CDH18: variants seen among roughly 807,000 people sequenced by gnomAD.
The protein encoded by CDH18 is cadherin-18.
Under a neutral mutation model 67.9 loss-of-function variants are expected in CDH18, and 31 were observed. The ratio of observed to expected loss-of-function variants is 0.46; its 90% confidence interval spans 0.34 to 0.62. The LOEUF (loss-of-function observed/expected upper bound fraction) is 0.62. Among genes scored for constraint, CDH18 ranks in the 20% least tolerant of loss-of-function variants. The pLI is 0.01. For missense variants in CDH18, 890 were observed against 975.5 expected (o/e 0.91, Z 1.17); for synonymous variants, 362 against 347.2 (o/e 1.04, Z -0.48).
chr5:20,460,965 C>T (rs2150223487), intron 1 of CDH18, among the ~76,000 whole-genome samples: 1 of 152,286 alleles, frequency 6.6e-6, no homozygotes, highest in African/African-American at 2.4e-5. Flanking sequence ...CTAGCAATCA[C>T]ATCTCATTTA....
At chr5:19,856,740 A>G (rs1343920390) in intron 2 of CDH18, among the ~76,000 whole-genome samples, 5 of 152,074 alleles carry the variant, frequency 3.3e-5, no homozygotes, top group African/African-American at 1.2e-4. Flanking sequence ...CCAAGTAGAG[A>G]AATTTCGGGA....
At chr5:19,532,397 T>C (rs896883018) in intron 9 of CDH18, among the ~76,000 whole-genome samples, 29 of 152,208 alleles carry the variant, frequency 1.9e-4, no homozygotes, top group Non-Finnish European at 2.9e-5. Flanking sequence ...TTTCTGATGA[T>C]TAACATTTTT....
chr5:20,443,441 G>A (rs1749781053), intron 1 of CDH18, among the ~76,000 whole-genome samples: 1 of 151,696 alleles, frequency 6.6e-6, no homozygotes, highest in Non-Finnish European at 1.5e-5. Flanking sequence ...TACTAATTGT[G>A]TAAAGGCTCA....
At chr5:19,729,612 G>A (rs1180462824) in intron 4 of CDH18, among the ~76,000 whole-genome samples, 1 of 152,092 alleles carries the variant, frequency 6.6e-6, no homozygotes, top group African/African-American at 2.4e-5. Flanking sequence ...AGGCCGAGGC[G>A]GTAAGTCCAT....
At chr5:20,556,752 A>T (rs1387625589) in intron 1 of CDH18, among the ~76,000 whole-genome samples, 1 of 152,150 alleles carries the variant, frequency 6.6e-6, no homozygotes, top group African/African-American at 2.4e-5. Flanking sequence ...GAAGGTGTTA[A>T]GTTAATGGTT....
chr5:19,674,960 C>A (rs1759262603), intron 5 of CDH18, among the ~76,000 whole-genome samples: 1 of 152,004 alleles, frequency 6.6e-6, no homozygotes, highest in Non-Finnish European at 1.5e-5. Context: ...TCATGTGGGT[C>A]CTTTTCTATT....
chr5:20,138,355 A>T lies in CDH18; in HGVS notation c.-518+117089T>A, dbSNP rs559326592. Among the ~76,000 whole-genome samples the T allele has an allele frequency of 2.0e-5, 3 of 152,282 alleles. No individual in the cohort carries two copies. The South Asian group carries it at 6.2e-4, about 32-fold the overall frequency. On this transcript the variant is annotated intron_variant, in intron 2 of 14. Transcript: ENST00000507958. ...TGTTTATGACATACCCACAGCCAAT[A>T]TCATACTGAATGGGCAAAAACTGGA...
At chr5:20,277,108 G>T (rs1191162252) in intron 1 of CDH18, among the ~76,000 whole-genome samples, 1 of 152,150 alleles carries the variant, frequency 6.6e-6, no homozygotes, top group Non-Finnish European at 1.5e-5. Context: ...CAAAAGCGAG[G>T]CTGTCTTTGC....
intron 11 of CDH18, among the ~76,000 whole-genome samples, chr5:19,483,951 A>G (rs1250235282): frequency 2.6e-5 from 4 of 152,222 alleles, no homozygotes; most frequent in Admixed American, 2.6e-4. Context: ...TAATAGGAGC[A>G]CAAATCTGTA....
intron 2 of CDH18, among the ~76,000 whole-genome samples, chr5:20,244,070 A>G (rs1321015777): frequency 6.6e-6 from 1 of 152,166 alleles, no homozygotes; most frequent in East Asian, 1.9e-4. Context: ...GTATTTATAT[A>G]TTTTGCTTAG....
intron 1 of CDH18, among the ~76,000 whole-genome samples, chr5:20,575,289 T>C (rs1007095771): frequency 2.6e-5 from 4 of 152,088 alleles, no homozygotes; most frequent in Non-Finnish European, 4.4e-5. Context: ...TAAATGCAAA[T>C]ATATTAATAT....
intron 1 of CDH18, among the ~76,000 whole-genome samples, chr5:20,558,138 G>A (rs915155842): frequency 1.3e-5 from 2 of 151,880 alleles, no homozygotes; most frequent in African/African-American, 4.8e-5. Context: ...TTATTAACTT[G>A]AGCTGTTCAA....
chr5:19,492,387 A>G (rs1741612581), intron 11 of CDH18, among the ~76,000 whole-genome samples: 1 of 152,168 alleles, frequency 6.6e-6, no homozygotes. Context: ...CATGGTTATT[A>G]TATTCCTGGA....
chr5:20,300,198 A>C (rs1375883916), intron 1 of CDH18, among the ~76,000 whole-genome samples: 1 of 152,140 alleles, frequency 6.6e-6, no homozygotes, highest in Non-Finnish European at 1.5e-5. Context: ...CTTAGTGGTC[A>C]GTAGAGATCT....
At chr5:20,517,225 TAA>T (rs1755432768) in intron 1 of CDH18, among the ~76,000 whole-genome samples, 1 of 151,748 alleles carries the variant, frequency 6.6e-6, no homozygotes, top group African/African-American at 2.4e-5. Context: ...TACTAAATTT[TAA>T]ATCATGAATA....
chr5:19,834,725 C>T (rs1781430123), intron 3 of CDH18, among the ~76,000 whole-genome samples: 1 of 152,100 alleles, frequency 6.6e-6, no homozygotes, highest in Non-Finnish European at 1.5e-5. Flanking sequence ...TGTGTTGTCT[C>T]ATGGTTCTCA....
At chr5:19,657,415 G>A (rs1222478334) in intron 5 of CDH18, among the ~76,000 whole-genome samples, 3 of 151,968 alleles carry the variant, frequency 2.0e-5, no homozygotes, top group African/African-American at 7.2e-5. Flanking sequence ...TAGAACCAAC[G>A]ACTTCAAATG....
chr5:20,282,195 T>C (rs1437918600), intron 1 of CDH18, among the ~76,000 whole-genome samples: 1 of 152,188 alleles, frequency 6.6e-6, no homozygotes, highest in Non-Finnish European at 1.5e-5. Flanking sequence ...CCTAATTGAA[T>C]ACCCTTTATT....
chr5:20,334,753 T>TACAC (rs35282241), intron 1 of CDH18, among the ~76,000 whole-genome samples: 7,499 of 138,288 alleles, frequency 0.054, 286 homozygotes, highest in African/African-American at 0.1. Context: ...CTCTCTCTCA[T>TACAC]ACACACACAC....
Sources: gnomAD v4.1 joint callset for allele counts (sites outside exome capture counted in the v4.1 genomes callset) on GRCh38, gnomAD v4.1.1 for gene constraint, MANE v1.5 for transcripts, NCBI Gene and HGNC (gene_info 2026-07-23, HGNC 2026-07-21) for gene names.